Variants in FRMPD4 observed in about 807,000 individuals in gnomAD.
FRMPD4 encodes FERM and PDZ domain containing 4, also known as FERM and PDZ domain-containing protein 4.
Under a neutral mutation model 94.1 loss-of-function variants are expected in FRMPD4, and 22 were observed. That is an observed-to-expected ratio of 0.23 (90% CI 0.17 to 0.33). The LOEUF (loss-of-function observed/expected upper bound fraction) is 0.33. Ranked by LOEUF, FRMPD4 falls within the 10% of genes least tolerant of loss-of-function variation. The probability of loss-of-function intolerance (pLI) is 1.00; values close to 1 mark genes in which losing one functional copy is unlikely to be tolerated. For synonymous variants in FRMPD4, 631 were observed against 548.6 expected, an observed-to-expected ratio of 1.15 and a Z score of -2.10; for missense variants, 1,111 against 1,339.9, an observed-to-expected ratio of 0.83 and a Z score of 2.67.
At chrX:12,369,965 T>C (rs984930551) in intron 1 of FRMPD4, among the ~76,000 whole-genome samples, 1 of 112,291 alleles carries the variant, frequency 8.9e-6, no homozygotes, top group African/African-American at 3.2e-5. Context: ...TATATATGCT[T>C]TTTGCCTCCT....
chrX:12,419,023 T>A (rs1270428673), intron 1 of FRMPD4, among the ~76,000 whole-genome samples: 1 of 112,092 alleles, frequency 8.9e-6, no homozygotes, highest in Non-Finnish European at 1.9e-5. Flanking sequence ...TTCATTGGAT[T>A]TCTTAATAAG....
At chrX:12,309,945 G>T (rs1430769917) in intron 1 of FRMPD4, among the ~76,000 whole-genome samples, 3 of 112,173 alleles carry the variant, frequency 2.7e-5, no homozygotes, top group African/African-American at 9.7e-5. Context: ...AAGCTAACAG[G>T]TCCCCACAGA....
At chrX:12,480,333 G>GAAAAAAAAAAAAAAAAAAAAAGAA (rs35074731) in intron 1 of FRMPD4, among the ~76,000 whole-genome samples, 1 of 54,638 alleles carries the variant, frequency 1.8e-5, no homozygotes, top group Admixed American at 2.6e-4. Flanking sequence ...GAAAAGAAAT[G>GAAAAAAAAAAAAAAAAAAAAAGAA]AAAAAAAAAA....
intron 2 of FRMPD4, among the ~76,000 whole-genome samples, chrX:12,515,892 A>G (rs1354456229): frequency 7.2e-5 from 8 of 111,875 alleles, no homozygotes; most frequent in Non-Finnish European, 1.9e-5. Context: ...TATTGGGTGC[A>G]TATGTATATT....
intron 3 of FRMPD4, among the ~76,000 whole-genome samples, chrX:12,131,394 T>C (rs1354034391): frequency 8.9e-6 from 1 of 112,231 alleles, no homozygotes; most frequent in African/African-American, 3.2e-5. Context: ...TTCACTTGTG[T>C]ATCTGCATTG....
intron 2 of FRMPD4, among the ~76,000 whole-genome samples, chrX:12,549,575 G>A (rs755481076): frequency 1.8e-5 from 2 of 112,060 alleles, no homozygotes; most frequent in Non-Finnish European, 3.8e-5. Context: ...TTATAGATAG[G>A]TGTATGTTTT....
intron 2 of FRMPD4, among the ~76,000 whole-genome samples, chrX:12,517,746 C>T (rs915253078): frequency 1.8e-5 from 2 of 112,359 alleles, no homozygotes; most frequent in African/African-American, 6.5e-5. Context: ...GGGGGTGTGC[C>T]GCACTGGGGG....
At chrX:12,493,750 C>G (rs760354814) in intron 1 of FRMPD4, among the ~76,000 whole-genome samples, 2 of 111,949 alleles carry the variant, frequency 1.8e-5, no homozygotes, top group South Asian at 7.5e-4. Flanking sequence ...CTGTTGCGTG[C>G]TGAGGCAGGC....
At chrX:12,261,971 G>GA (rs1435787371) in intron 1 of FRMPD4, among the ~76,000 whole-genome samples, 3 of 112,058 alleles carry the variant, frequency 2.7e-5, no homozygotes, top group Non-Finnish European at 5.6e-5. Context: ...AAATGTGGCA[G>GA]AAAAAATCAA....
chrX:12,433,191 G>A (rs1487834749), intron 1 of FRMPD4, among the ~76,000 whole-genome samples: 1 of 112,150 alleles, frequency 8.9e-6, no homozygotes. Context: ...ACAAAGTCAT[G>A]GGCAGACCAG....
rs760340212 is a variant in FRMPD4, at chrX:12,355,241, T to C, written c.42-143439T>C. ...CCCAGGCTGGAGTGCAGTGACATGA[T>C]CACAGCTCACGGCAGCCTCGACCTC... On this transcript the variant is annotated intron_variant, in intron 1 of 16. Coordinates refer to ENST00000675598, the MANE Select transcript of FRMPD4 (RefSeq NM_001368397.1). Among the ~76,000 whole-genome samples, 121 of 110,341 alleles carry C rather than the reference T, an allele frequency of 1.1e-3. 1 individual carries two copies. Among genetic ancestry groups the C allele is most frequent in the African/African-American group, 3.9e-3 (118 of 30,335 alleles).
chrX:12,196,446 T>C (rs2056567940), intron 1 of FRMPD4, among the ~76,000 whole-genome samples: 1 of 110,317 alleles, frequency 9.1e-6, no homozygotes, highest in South Asian at 3.9e-4. Flanking sequence ...AGAATATGAC[T>C]GTTTACCCAC....
At chrX:11,864,452 A>C (rs2053707265) in intron 1 of FRMPD4, among the ~76,000 whole-genome samples, 1 of 110,629 alleles carries the variant, frequency 9.0e-6, no homozygotes, top group Non-Finnish European at 1.9e-5. Flanking sequence ...AGGGAAGAAG[A>C]AAATAACCAG....
chrX:11,915,764 T>A (rs1403472222), intron 3 of FRMPD4, among the ~76,000 whole-genome samples: 3 of 111,846 alleles, frequency 2.7e-5, no homozygotes, highest in Admixed American at 9.4e-5. Flanking sequence ...GTCAGACTGA[T>A]TGGGTTTGAA....
At chrX:12,119,180 T>C (rs2055435187) in intron 3 of FRMPD4, among the ~76,000 whole-genome samples, 1 of 111,314 alleles carries the variant, frequency 9.0e-6, no homozygotes, top group Non-Finnish European at 1.9e-5. Flanking sequence ...TTTCAAGGGG[T>C]TTTACAGTAG....
At chrX:12,069,388 A>G (rs550700749) in intron 3 of FRMPD4, among the ~76,000 whole-genome samples, 3 of 111,738 alleles carry the variant, frequency 2.7e-5, no homozygotes, top group African/African-American at 9.8e-5. Context: ...CTACATGGAA[A>G]TTAGACTATA....
At chrX:11,962,899 T>C (rs2054290886) in intron 3 of FRMPD4, among the ~76,000 whole-genome samples, 1 of 111,927 alleles carries the variant, frequency 8.9e-6, no homozygotes, top group African/African-American at 3.2e-5. Flanking sequence ...CAATCTCTTC[T>C]ATTTTAAATG....
intron 1 of FRMPD4, among the ~76,000 whole-genome samples, chrX:12,347,006 G>A (rs769851518): frequency 9.0e-6 from 1 of 111,349 alleles, no homozygotes; most frequent in Admixed American, 9.5e-5. Context: ...ATTGGGGTAG[G>A]TTGTGATAAT....
At chrX:12,054,731 T>A (rs944552990) in intron 3 of FRMPD4, 1 of 112,027 alleles carries the variant, frequency 8.9e-6, no homozygotes, top group East Asian at 2.8e-4. Context: ...GTTATTTTAT[T>A]TGGAACAAAT....
Sources: gnomAD v4.1 joint callset for allele counts (sites outside exome capture counted in the v4.1 genomes callset) on GRCh38, gnomAD v4.1.1 for gene constraint, MANE v1.5 for transcripts, NCBI Gene and HGNC (gene_info 2026-07-23, HGNC 2026-07-21) for gene names.